LBP: variants seen among roughly 807,000 people sequenced by gnomAD.
LBP encodes lipopolysaccharide binding protein.
LBP carries 53 observed loss-of-function variants against 56.6 expected under a neutral mutation model. The ratio of observed to expected loss-of-function variants is 0.94; its 90% CI spans 0.75 to 1.18. The LOEUF (loss-of-function observed/expected upper bound fraction) is 1.18, where lower values mean the gene tolerates loss of function less well. LBP is among the 50% of genes most tolerant of loss of function. The probability of loss-of-function intolerance (pLI) is 0.00; values close to 1 mark genes in which losing one functional copy is unlikely to be tolerated. For synonymous variants in LBP, 227 were observed against 247.5 expected (o/e 0.92, Z 0.78); for missense variants, 601 against 598.3 (o/e 1.00, Z -0.05).
At chr20:38,376,017 T>C (rs1285117440) in intron 14 of LBP, among the ~76,000 whole-genome samples, 1 of 152,242 alleles carries the variant, frequency 6.6e-6, no homozygotes, top group Non-Finnish European at 1.5e-5. Context: ...TGACAGTTCA[T>C]ACCATCGGCC....
intron 14 of LBP, among the ~76,000 whole-genome samples, chr20:38,375,783 G>A (rs912926905): frequency 1.3e-5 from 2 of 152,062 alleles, no homozygotes; most frequent in Non-Finnish European, 2.9e-5. Flanking sequence ...TAGCAGGAGG[G>A]GGATGCTGCG....
At chr20:38,358,864 A>G (rs1213636780) in intron 5 of LBP, among the ~76,000 whole-genome samples, 7 of 152,204 alleles carry the variant, frequency 4.6e-5, no homozygotes, top group African/African-American at 1.7e-4. Flanking sequence ...GGACTTTCTC[A>G]TCGCACATCA....
At chr20:38,348,299 C>T (rs927777747) in intron 1 of LBP, among the ~76,000 whole-genome samples, 4 of 151,906 alleles carry the variant, frequency 2.6e-5, no homozygotes, top group African/African-American at 9.7e-5. Context: ...TGAGGTTGGA[C>T]ATTTTGGTCC....
rs41430744 is a variant in LBP, at chr20:38,349,470, G to A, written c.125-78G>A. The A allele has an allele frequency of 7.6e-6, 8 of 1,056,736 alleles. No individual in the cohort carries two copies. The East Asian group carries it at 2.1e-4, about 27-fold the overall frequency. 65.5% of individuals were successfully genotyped at this position (1,056,736 alleles called of 1,614,324 possible). A position where few individuals can be genotyped will look rare whatever the true frequency, so the allele number is the denominator to read the frequency against. ...ATGTTGGCCCCTCTCTTGAGGACAG[G>A]TGGGAGCCACCGTAGGGTTTAGAGC... is the stretch of plus-strand genomic sequence containing the variant. On this transcript the variant is annotated intron_variant, in intron 1 of 14. Coordinates refer to ENST00000217407, the MANE Select transcript of LBP (RefSeq NM_004139.5).
chr20:38,359,448 G>A (rs1260775471), intron 5 of LBP, among the ~76,000 whole-genome samples: 1 of 152,058 alleles, frequency 6.6e-6, no homozygotes, highest in Admixed American at 6.6e-5. Flanking sequence ...AGGGTGTGGT[G>A]GCACATGCCT....
At chr20:38,363,090 G>GGGGA (rs2076867232) in intron 6 of LBP, among the ~76,000 whole-genome samples, 4 of 152,136 alleles carry the variant, frequency 2.6e-5, no homozygotes, top group Non-Finnish European at 5.9e-5. Flanking sequence ...ACTGTTGAAG[G>GGGGA]CCATCTGGGG....
chr20:38,358,587 C>A (rs1241464461), intron 5 of LBP, among the ~76,000 whole-genome samples: 1 of 152,210 alleles, frequency 6.6e-6, no homozygotes, highest in African/African-American at 2.4e-5. Context: ...TTTCTGGCAG[C>A]TCATCGCTGC....
At chr20:38,360,473 C>T (rs373578628) in intron 5 of LBP, among the ~76,000 whole-genome samples, 1 of 152,294 alleles carries the variant, frequency 6.6e-6, no homozygotes. Flanking sequence ...AGGTGTCCAG[C>T]CCTGGGACAG....
chr20:38,359,441 G>T (rs1443592356), intron 5 of LBP, among the ~76,000 whole-genome samples: 1 of 152,078 alleles, frequency 6.6e-6, no homozygotes, highest in Non-Finnish European at 1.5e-5. Context: ...AATTAGCAGG[G>T]TGTGGTGGCA....
chr20:38,369,257 A>G (rs2076893330), intron 10 of LBP, 95 bp downstream of exon 10: 5 of 1,244,174 alleles, frequency 4.0e-6, no homozygotes, highest in Non-Finnish European at 2.2e-6. Context: ...CACCTGGGTA[A>G]TTCCTCCAGG....
chr20:38,364,833 C>T, intron 8 of LBP, 81 bp downstream of exon 8: 1 of 1,284,076 alleles, frequency 7.8e-7, no homozygotes, highest in East Asian at 2.3e-5. Flanking sequence ...CCCCTGTTGA[C>T]ATCAGTCAAA....
At chr20:38,351,911 T>C (rs1017119350) in intron 3 of LBP, among the ~76,000 whole-genome samples, 2 of 151,860 alleles carry the variant, frequency 1.3e-5, no homozygotes, top group Non-Finnish European at 2.9e-5. Flanking sequence ...TGGTGGCAGG[T>C]ACCTGTAATC....
intron 5 of LBP, among the ~76,000 whole-genome samples, chr20:38,359,220 T>C (rs948971025): frequency 2.0e-5 from 3 of 152,218 alleles, no homozygotes; most frequent in South Asian, 2.1e-4. Context: ...TTCGTTTTTT[T>C]GGTTTTTTGG....
Position 38,349,661 on chromosome 20 carries a change from A to T in LBP, c.238A>T (p.Ser80Cys). ...CGGCCGTGGGCGCTATGAGTTCCAC[A>T]GGTGGGGCTCTCCCTTCTGCTGCGG... ...HVGRGRYEFH[S>C]LNIHSCELLH... Residue 80 changes from serine to cysteine, a missense_variant and splice_region_variant, in exon 2 of 15, where the codon AGC becomes TGC. Transcript: ENST00000217407. The T allele has an allele frequency of 6.3e-7, 1 of 1,589,110 alleles. No individual in the cohort carries two copies. The highest frequency in any genetic ancestry group is 8.6e-7 in the Non-Finnish European group (1 of 1,163,750).
chr20:38,368,352 C>G (rs560956395), intron 9 of LBP, among the ~76,000 whole-genome samples: 2 of 152,270 alleles, frequency 1.3e-5, no homozygotes, highest in East Asian at 3.9e-4. Context: ...GTAATCCCAG[C>G]ACTTTGGGAG....
At chr20:38,360,475 C>A (rs1421471297) in intron 5 of LBP, among the ~76,000 whole-genome samples, 1 of 152,144 alleles carries the variant, frequency 6.6e-6, no homozygotes, top group African/African-American at 2.4e-5. Context: ...GTGTCCAGCC[C>A]TGGGACAGAC....
chr20:38,349,520 C>A, intron 1 of LBP, 28 bp from the exon 2 acceptor site: 1 of 1,544,132 alleles, frequency 6.5e-7, no homozygotes, highest in Non-Finnish European at 8.8e-7. Context: ...GCAGATCAAG[C>A]TGACTCCCAG....
chr20:38,375,156 T>C (rs2076913724), intron 14 of LBP, among the ~76,000 whole-genome samples: 1 of 149,752 alleles, frequency 6.7e-6, no homozygotes, highest in South Asian at 2.1e-4. Flanking sequence ...CAAGCACAGT[T>C]TGAATTTTGG....
chr20:38,371,712 A>G (rs889075243), intron 12 of LBP, among the ~76,000 whole-genome samples: 1 of 152,288 alleles, frequency 6.6e-6, no homozygotes, highest in Middle Eastern at 3.4e-3. Context: ...ATCTCTCTCC[A>G]TCTCTCTGTT....
Sources: gnomAD v4.1 joint callset for allele counts (sites outside exome capture counted in the v4.1 genomes callset) on GRCh38, gnomAD v4.1.1 for gene constraint, MANE v1.5 for transcripts, NCBI Gene and HGNC (gene_info 2026-07-23, HGNC 2026-07-21) for gene names.